The following TRPV3 variants were observed in gnomAD, a reference collection of about 807,000 sequenced individuals.
The protein encoded by TRPV3 is VRL-3.
TRPV3 carries 88 observed loss-of-function variants against 87.1 expected under a neutral mutation model. That is an observed-to-expected ratio of 1.01 (90% CI 0.85 to 1.21). The LOEUF (loss-of-function observed/expected upper bound fraction) is 1.21, where lower values mean the gene tolerates loss of function less well. Among genes scored for constraint, TRPV3 ranks in the 50% most tolerant of loss-of-function variants. TRPV3 has a pLI of 0.00. For synonymous variants in TRPV3, 438 were observed against 423.3 expected (o/e 1.03, Z -0.43); for missense variants, 1,054 against 1,030.1 (o/e 1.02, Z -0.32).
At position 3,542,621 on chromosome 17, in the gene TRPV3, T is replaced by C. The variant is rs1272304876; in HGVS notation, c.544A>G (p.Asn182Asp). ...LMKALLNINP[N>D]TKEIVRILLA... ...AGGATCCGCACTATCTCCTTGGTGT[T>C]GGGGTTGATGTTTAACAAGGCCTTC... Residue 182 changes from asparagine to aspartate, a missense_variant, in exon 6 of 18, where the codon AAC (asparagine) becomes GAC (aspartate). Asn to Asp is a conservative substitution (Grantham distance 23). Coordinates refer to ENST00000576742, the MANE Select transcript of TRPV3 (RefSeq NM_145068.4). 1.2e-6 allele frequency: 2 copies of C among 1,614,016 alleles called. No individual in the cohort carries two copies. Among genetic ancestry groups the C allele is most frequent in the Admixed American group, 1.7e-5 (1 of 60,008 alleles).
chr17:3,555,109 C>A (rs1436584298), intron 1 of TRPV3, among the ~76,000 whole-genome samples: 1 of 152,298 alleles, frequency 6.6e-6, no homozygotes, highest in South Asian at 2.1e-4. Context: ...TAGAGACCAC[C>A]ATGCCCCTGT....
Position 3,513,946 on chromosome 17 carries a change from C to A in TRPV3, c.2344G>T (p.Val782Phe), listed in dbSNP as rs1400412881. The change falls in exon 18 of 18, where the codon GTC becomes TTC. Residue 782 changes from valine (V) to phenylalanine (F), a missense_variant. Val to Phe is a conservative substitution (Grantham distance 50). Coordinates refer to ENST00000576742, the MANE Select transcript of TRPV3 (RefSeq NM_145068.4). ...SKTTLNAFEE[V>F]EEFPETSV ...ACCGAGGTTTCCGGGAATTCCTCGA[C>A]TTCTTCAAATGCATTGAGAGTGGTT... 1.2e-6 allele frequency: 2 copies of A among 1,614,094 alleles called. No homozygotes were observed. The highest frequency in any genetic ancestry group is 1.7e-6 in the Non-Finnish European group (2 of 1,180,016).
intron 9 of TRPV3, 54 bp downstream of exon 9, chr17:3,529,973 C>A: frequency 6.4e-7 from 1 of 1,563,112 alleles, no homozygotes; most frequent in South Asian, 1.2e-5. Flanking sequence ...CAGCCCCTGG[C>A]CTGAGGTCCA....
Position 3,528,993 on chromosome 17 carries a change from G to C in TRPV3, c.1245C>G (p.Asn415Lys). The C allele has an allele frequency of 6.2e-7, 1 of 1,614,178 alleles. No homozygotes were observed. Among genetic ancestry groups the C allele is most frequent in the Non-Finnish European group, 8.5e-7 (1 of 1,180,016 alleles). The change falls in exon 10 of 18, where the codon AAC (asparagine) becomes AAG (lysine). Residue 415 changes from asparagine to lysine, a missense_variant and splice_region_variant. Transcript: ENST00000576742. This position sits in a 1 kb window ranked among gnomAD's most constrained non-coding sequence, Gnocchi z 4.2. ...GCTCCAGGGTCAGCATCTCATGCCGGTTCTAGGGGTAGAATGCCACCAGTC... is the reference window on the plus strand; with the variant it reads ...GCTCCAGGGTCAGCATCTCATGCCGCTTCTAGGGGTAGAATGCCACCAGTC... The part of the protein sequence containing the change: ...EITVYNTNID[N>K]RHEMLTLEPL...
intron 2 of TRPV3, among the ~76,000 whole-genome samples, chr17:3,545,989 CA>C (rs376341464): frequency 0.27 from 30,993 of 113,110 alleles, 3,540 homozygotes; most frequent in East Asian, 0.45. Context: ...GACTCCGTCT[CA>C]AAAAAAAAAA....
In TRPV3 at chr17:3,513,657, C is replaced by T; in HGVS notation, c.*260G>A. On this transcript the variant is annotated 3_prime_UTR_variant, in exon 18 of 18. Coordinates refer to ENST00000576742, the MANE Select transcript of TRPV3 (RefSeq NM_145068.4). The stretch of plus-strand genomic sequence containing the variant: ...GCTTCACCCGGGACTTCAGGAGGCT[C>T]CCAGGCTCCAGACTGCTGCTGGCTG... 5.2e-6 allele frequency: 2 copies of T among 384,084 alleles called. No individual in the cohort carries two copies. Among genetic ancestry groups the T allele is most frequent in the African/African-American group, 4.1e-5 (2 of 49,154 alleles). 23.8% of individuals were successfully genotyped at this position (384,084 alleles called of 1,614,324 possible). A position where few individuals can be genotyped will look rare whatever the true frequency, so the allele number is the denominator to read the frequency against.
intron 8 of TRPV3, among the ~76,000 whole-genome samples, chr17:3,531,743 A>C (rs956901791): frequency 6.6e-6 from 1 of 152,210 alleles, no homozygotes; most frequent in African/African-American, 2.4e-5. Flanking sequence ...GAGGGTAGGC[A>C]GGAGCTGCGG....
In TRPV3 at chr17:3,556,938, C is replaced by A. The variant is rs2074638618; in HGVS notation, c.-3+738G>T. 6.6e-6 allele frequency among the ~76,000 whole-genome samples: 1 copy of A among 152,166 alleles called. No homozygotes were observed. Among genetic ancestry groups the A allele is most frequent in the African/African-American group, 2.4e-5 (1 of 41,422 alleles). ...TGCCCCTCCCAGGGCCTCTGGTTTC[C>A]TTTCTGAGAAGTGGGCTGAATGGTC... On this transcript the variant is annotated intron_variant, in intron 1 of 17. Coordinates refer to ENST00000576742, the MANE Select transcript of TRPV3 (RefSeq NM_145068.4). The surrounding 1 kb of genome is among the most constrained non-coding windows in gnomAD (Gnocchi z 4.2).
At chr17:3,515,619 T>C (rs1003527344) in intron 16 of TRPV3, among the ~76,000 whole-genome samples, 5 of 150,360 alleles carry the variant, frequency 3.3e-5, no homozygotes, top group African/African-American at 4.9e-5. Flanking sequence ...AGAGATCGCA[T>C]CACTGCACTC....
intron 7 of TRPV3, among the ~76,000 whole-genome samples, chr17:3,533,803 G>A (rs1269581767): frequency 1.3e-5 from 2 of 152,010 alleles, no homozygotes; most frequent in East Asian, 1.9e-4. Context: ...GGTCTACTTT[G>A]TATTTTTTAA....
At position 3,530,174 on chromosome 17, in the gene TRPV3, G is replaced by C; in HGVS notation, c.1095C>G (p.Ile365Met). 1 of 1,613,736 alleles carries C rather than the reference G, an allele frequency of 6.2e-7. No homozygotes were observed. The highest frequency in any genetic ancestry group is 8.5e-7 in the Non-Finnish European group (1 of 1,179,788). Reference protein sequence around the residue: ...EILKYILSREIKEKRLRSLSR... With the variant: ...EILKYILSREMKEKRLRSLSR... ...ACAGGCTCCGGAGCCGCTTCTCCTT[G>C]ATCTCACGACTGAGGATGTACTTCA... Residue 365 changes from isoleucine to methionine, a missense_variant, in exon 9 of 18, where the codon ATC becomes ATG. Coordinates refer to ENST00000576742, the MANE Select transcript of TRPV3 (RefSeq NM_145068.4). The surrounding 1 kb of genome is among the most constrained non-coding windows in gnomAD (Gnocchi z 4.0).
chr17:3,535,606 TGAA>T lies in TRPV3; in HGVS notation c.748_750del (p.Phe250del), dbSNP rs775738588. On this transcript the variant is annotated inframe_deletion, in exon 7 of 18. Transcript: ENST00000576742. ...AAGCCTTCGTGTTGGTACTTGGGGT[TGAA>T]GAAGGCCCCCTTGGCGTGCGCGTTG... The T allele has an allele frequency of 6.2e-7, 1 of 1,609,416 alleles. No individual in the cohort carries two copies. Among genetic ancestry groups the T allele is most frequent in the Non-Finnish European group, 8.5e-7 (1 of 1,178,638 alleles).
chr17:3,513,622 A>G lies in TRPV3; in HGVS notation c.*295T>C. ...CCAGCCAAGCCGACCTGCAATTGGT[A>G]AAACCAGAGGCTTCACCCGGGACTT... On this transcript the variant is annotated 3_prime_UTR_variant, in exon 18 of 18. Coordinates refer to ENST00000576742, the MANE Select transcript of TRPV3 (RefSeq NM_145068.4). 1 of 306,824 alleles carries G rather than the reference A, an allele frequency of 3.3e-6. No homozygotes were observed. The highest frequency in any genetic ancestry group is 6.0e-6 in the Non-Finnish European group (1 of 165,718). 19.0% of individuals were successfully genotyped at this position (306,824 alleles called of 1,614,324 possible).
At chr17:3,523,312 G>C (rs527649830) in intron 13 of TRPV3, among the ~76,000 whole-genome samples, 162 of 152,282 alleles carry the variant, frequency 1.1e-3, no homozygotes, top group African/African-American at 3.7e-3. Flanking sequence ...AATCTTAATT[G>C]TTTCACTTCA....
intron 6 of TRPV3, among the ~76,000 whole-genome samples, chr17:3,541,423 C>T (rs530685300): frequency 1.3e-4 from 20 of 152,250 alleles, no homozygotes; most frequent in African/African-American, 3.4e-4. Flanking sequence ...ATCAGCAAGA[C>T]GGCATCCAAT....
At position 3,547,577 on chromosome 17, in the gene TRPV3, C is replaced by T. The variant is rs2074538409; in HGVS notation, c.120-2306G>A. ...TGGAGGTTGCAGTGAGCCAAGATCG[C>T]ACCATTGCACTCCAGGCTGGGTGAC... On this transcript the variant is annotated intron_variant, in intron 2 of 17. Coordinates refer to ENST00000576742, the MANE Select transcript of TRPV3 (RefSeq NM_145068.4). Among the ~76,000 whole-genome samples the T allele has an allele frequency of 2.0e-5, 3 of 152,106 alleles. No homozygotes were observed. In the South Asian group the frequency reaches 6.2e-4, roughly 31 times the overall value.
chr17:3,515,154 T>C (rs1048650222), intron 16 of TRPV3, among the ~76,000 whole-genome samples: 3 of 152,198 alleles, frequency 2.0e-5, no homozygotes, highest in African/African-American at 7.2e-5. Context: ...TAGGCATTGA[T>C]GTGACTTCAA....
intron 12 of TRPV3, among the ~76,000 whole-genome samples, chr17:3,524,808 C>CAA (rs56919647): frequency 8.1e-4 from 66 of 81,852 alleles, no homozygotes; most frequent in African/African-American, 2.4e-3. Context: ...CTTGTCTCTA[C>CAA]AAAAAAAAAA....
intron 12 of TRPV3, among the ~76,000 whole-genome samples, chr17:3,526,578 A>C (rs906715627): frequency 2.2e-4 from 34 of 152,074 alleles, no homozygotes; most frequent in African/African-American, 7.7e-4. Context: ...TGATGGGTAG[A>C]GTTGGCCATC....
Sources: allele counts gnomAD v4.1 joint callset (sites outside exome capture counted in the v4.1 genomes callset), GRCh38; gene constraint gnomAD v4.1.1; non-coding constraint Gnocchi (gnomAD v3.1); transcripts MANE v1.5; gene names NCBI Gene and HGNC (gene_info 2026-07-23, HGNC 2026-07-21).